The following LRRTM4 variants were observed in gnomAD, a reference collection of about 807,000 sequenced individuals.
LRRTM4 encodes the protein leucine-rich repeat transmembrane neuronal protein 4.
Under a neutral mutation model 47.6 loss-of-function variants are expected in LRRTM4, and 25 were observed. The observed-to-expected ratio is 0.53, with a 90% confidence interval of 0.38 to 0.73. LRRTM4 has a LOEUF of 0.73. Among genes scored for constraint, LRRTM4 ranks in the 30% least tolerant of loss-of-function variants. LRRTM4 has a pLI of 0.00. For synonymous variants in LRRTM4, 311 were observed against 269.5 expected, an observed-to-expected ratio of 1.15 and a Z score of -1.51; for missense variants, 638 against 713.4, an observed-to-expected ratio of 0.89 and a Z score of 1.20.
At chr2:77,480,085 C>A (rs1007935144) in intron 3 of LRRTM4, among the ~76,000 whole-genome samples, 3 of 152,142 alleles carry the variant, frequency 2.0e-5, no homozygotes, top group Non-Finnish European at 4.4e-5. Context: ...TGGGCCAGCC[C>A]AGCAGCATTG....
intron 3 of LRRTM4, among the ~76,000 whole-genome samples, chr2:77,247,115 G>A (rs756240158): frequency 4.0e-5 from 6 of 151,886 alleles, no homozygotes; most frequent in Non-Finnish European, 7.4e-5. Flanking sequence ...TAATTATATT[G>A]AATGAGGTCA....
chr2:77,315,127 C>T (rs1226918295), intron 3 of LRRTM4, among the ~76,000 whole-genome samples: 1 of 152,148 alleles, frequency 6.6e-6, no homozygotes, highest in African/African-American at 2.4e-5. Flanking sequence ...TCTATTTGTA[C>T]ACTGTTGCAT....
intron 3 of LRRTM4, among the ~76,000 whole-genome samples, chr2:76,895,375 T>A (rs1422831745): frequency 2.6e-5 from 4 of 152,058 alleles, no homozygotes; most frequent in Non-Finnish European, 5.9e-5. Context: ...AAATGATGCC[T>A]CATCCATGTC....
intron 3 of LRRTM4, among the ~76,000 whole-genome samples, chr2:76,923,361 CAG>C (rs1674492274): frequency 6.6e-6 from 1 of 151,708 alleles, no homozygotes; most frequent in African/African-American, 2.4e-5. Flanking sequence ...GGTTGTTAAA[CAG>C]AGCCATTATT....
At chr2:76,753,579 A>AT (rs991637254) in intron 3 of LRRTM4, among the ~76,000 whole-genome samples, 9 of 152,184 alleles carry the variant, frequency 5.9e-5, no homozygotes, top group African/African-American at 1.9e-4. Context: ...AAAGTGACAC[A>AT]TTTTTTTCAA....
chr2:76,900,014 A>G (rs976770279), intron 3 of LRRTM4, among the ~76,000 whole-genome samples: 2 of 152,112 alleles, frequency 1.3e-5, no homozygotes, highest in Non-Finnish European at 2.9e-5. Flanking sequence ...GGATCACTTG[A>G]GGATAGGAGT....
intron 3 of LRRTM4, among the ~76,000 whole-genome samples, chr2:76,798,447 A>G (rs1347490221): frequency 6.6e-6 from 1 of 151,158 alleles, no homozygotes; most frequent in East Asian, 1.9e-4. Flanking sequence ...ACGCATTCAA[A>G]GCAGTGTGTA....
chr2:77,011,408 G>T (rs1677868364), intron 3 of LRRTM4, among the ~76,000 whole-genome samples: 1 of 152,002 alleles, frequency 6.6e-6, no homozygotes, highest in African/African-American at 2.4e-5. Context: ...TTATTATTGG[G>T]ATTAGATTTT....
intron 3 of LRRTM4, among the ~76,000 whole-genome samples, chr2:76,887,349 G>A (rs1016052210): frequency 6.6e-6 from 1 of 151,186 alleles, no homozygotes; most frequent in African/African-American, 2.4e-5. Context: ...TTTCCTAAAC[G>A]TGTATAATTT....
rs533887639 is a variant in LRRTM4, at chr2:76,996,399, T to TAAA, written c.1552-247486_1552-247484dup. ...CTGCATAATTTTGCTTAGAGTCCTA[T>TAAA]AAAGTGTTCTTTTCAGGTTACCTGA... On this transcript the variant is annotated intron_variant, in intron 3 of 3. Transcript: ENST00000409884. Among the ~76,000 whole-genome samples the TAAA allele has an allele frequency of 3.2e-3, 483 of 152,224 alleles. 2 individuals are homozygous for TAAA. The highest frequency in any genetic ancestry group is 0.011 in the African/African-American group (460 of 41,574).
intron 3 of LRRTM4, among the ~76,000 whole-genome samples, chr2:77,195,755 C>G (rs1673802688): frequency 1.3e-5 from 2 of 151,838 alleles, no homozygotes; most frequent in South Asian, 4.2e-4. Flanking sequence ...TTTTTAATTT[C>G]TAGGGTAGGA....
intron 1 of LRRTM4, 31 bp from the exon 2 acceptor site, chr2:77,521,849 A>AG (rs1314991354): frequency 4.8e-6 from 2 of 418,338 alleles, no homozygotes; most frequent in African/African-American, 2.1e-5. Flanking sequence ...AAAAAAAAAA[A>AG]AAAAAATACA....
At chr2:77,064,107 C>T (rs1447558641) in intron 3 of LRRTM4, among the ~76,000 whole-genome samples, 1 of 151,982 alleles carries the variant, frequency 6.6e-6, no homozygotes, top group Admixed American at 6.6e-5. Flanking sequence ...AACATGGAAA[C>T]ATAATTTAAA....
At chr2:77,136,786 C>T (rs1381176922) in intron 3 of LRRTM4, among the ~76,000 whole-genome samples, 1 of 151,200 alleles carries the variant, frequency 6.6e-6, no homozygotes, top group African/African-American at 2.5e-5. Context: ...CTTAAATGAC[C>T]TGAGGGAGCT....
At chr2:77,055,205 C>T (rs2103783865) in intron 3 of LRRTM4, among the ~76,000 whole-genome samples, 1 of 152,310 alleles carries the variant, frequency 6.6e-6, no homozygotes, top group African/African-American at 2.4e-5. Context: ...CATCCACCTC[C>T]CTGGGCTGCT....
chr2:77,425,110 CA>C (rs1317601841), intron 3 of LRRTM4, among the ~76,000 whole-genome samples: 1 of 152,142 alleles, frequency 6.6e-6, no homozygotes, highest in African/African-American at 2.4e-5. Flanking sequence ...TGGTATTTAA[CA>C]ATCTTTAAAG....
intron 3 of LRRTM4, among the ~76,000 whole-genome samples, chr2:76,904,079 C>G (rs953216884): frequency 1.3e-5 from 2 of 152,196 alleles, no homozygotes; most frequent in Non-Finnish European, 2.9e-5. Context: ...CTCTGATTCC[C>G]ACCTACTCAG....
chr2:77,415,042 A>T (rs1674584962), intron 3 of LRRTM4, among the ~76,000 whole-genome samples: 1 of 152,220 alleles, frequency 6.6e-6, no homozygotes, highest in African/African-American at 2.4e-5. Flanking sequence ...GTAGTGATTT[A>T]GGAAGGAGTA....
intron 3 of LRRTM4, among the ~76,000 whole-genome samples, chr2:77,277,652 C>T (rs1280042568): frequency 1.3e-5 from 2 of 151,970 alleles, no homozygotes; most frequent in Non-Finnish European, 2.9e-5. Flanking sequence ...GCTTAGTGCA[C>T]TCTTAAATTT....
Sources: allele counts gnomAD v4.1 joint callset (sites outside exome capture counted in the v4.1 genomes callset), GRCh38; gene constraint gnomAD v4.1.1; transcripts MANE v1.5; gene names NCBI Gene and HGNC (gene_info 2026-07-23, HGNC 2026-07-21).